Variants in DCAF15 observed in about 807,000 individuals in gnomAD.
DCAF15 encodes DDB1- and CUL4-associated factor 15.
A neutral mutation model predicts 68.0 loss-of-function variants in DCAF15; 24 were observed. That is an observed-to-expected ratio of 0.35 (90% confidence interval 0.26 to 0.50). The LOEUF (loss-of-function observed/expected upper bound fraction) is 0.50, where lower values mean the gene tolerates loss of function less well. Ranked by LOEUF, DCAF15 falls within the 20% of genes least tolerant of loss-of-function variation. DCAF15 has a pLI of 0.98. For synonymous variants in DCAF15, 376 were observed against 341.6 expected, an observed-to-expected ratio of 1.10 and a Z score of -1.11; for missense variants, 627 against 830.6, an observed-to-expected ratio of 0.75 and a Z score of 3.01.
rs753623070 is a variant in DCAF15, at chr19:13,959,114, A to C, written c.854A>C (p.Glu285Ala). Residue 285 changes from glutamate to alanine, a missense_variant, in exon 7 of 13, where the codon GAG becomes GCG. Physicochemically the swap from Glu to Ala is moderately radical, Grantham distance 107. Coordinates refer to ENST00000254337, the MANE Select transcript of DCAF15 (RefSeq NM_138353.4). ...CCCCTGGCGCCTGCCAGCCCCCCTG[A>C]GCCCCAGAGCCCAGAGCTGCCCCCT... ...TCPLAPASPP[E>A]PQSPELPPAL... is the part of the protein sequence containing the mutation. 6.2e-7 allele frequency: 1 copy of C among 1,611,932 alleles called. No homozygotes were observed. The highest frequency in any genetic ancestry group is 2.2e-5 in the East Asian group (1 of 44,806).
Position 13,954,415 on chromosome 19 carries a change from G to A in DCAF15, c.208G>A (p.Asp70Asn). ...GTGCGTGTCCCTCAAGAACATTGTG[G>A]ATGAGGACTTCCTCTATGCAGGGTG... ...RVCVSLKNIV[D>N]EDFLYAGHIF... is the part of the protein sequence containing the mutation. The change falls in exon 2 of 13, where the codon GAT becomes AAT. Residue 70 changes from aspartate to asparagine, a missense_variant. By Grantham distance (23) the Asp-to-Asn change is conservative. Around this residue, in one of 3 missense-constraint regions of DCAF15, gnomAD observed 273 missense variants for 393.7 expected, o/e 0.69. Transcript: ENST00000254337. 1 of 1,598,666 alleles carries A rather than the reference G, an allele frequency of 6.3e-7. No homozygotes were observed. The highest frequency in any genetic ancestry group is 2.3e-5 in the East Asian group (1 of 43,806).
rs766813236 is a variant in DCAF15, at chr19:13,956,398, C to G, written c.660C>G (p.Thr220=). 1.2e-6 allele frequency: 2 copies of G among 1,613,772 alleles called. No homozygotes were observed. The highest frequency in any genetic ancestry group is 4.5e-5 in the East Asian group (2 of 44,888). Residue 220 remains threonine, a synonymous_variant, in exon 6 of 13, where the codon ACC becomes ACG. Transcript: ENST00000254337. The part of the protein sequence containing the change: ...QCLRHGFMLH[T]KYQVVYPFPT... ...TACGGCATGGCTTCATGCTGCACAC[C>G]AAGTACCAGGTGGTCTACCCCTTCC...
chr19:13,960,832 G>A (rs1417672910), intron 12 of DCAF15, 108 bp from the exon 13 acceptor site: 19 of 1,423,590 alleles, frequency 1.3e-5, no homozygotes, highest in Non-Finnish European at 1.8e-5. Context: ...ACTCAGCAGG[G>A]TCCCTGCCTT....
chr19:13,956,028 G>A lies in DCAF15; in HGVS notation c.473+10G>A, dbSNP rs372125381. ...TCGTCTTCGGCTTCAAGTGAGACCAGGCGCCTGGGGGAGCCTTGGCTGGTT... is the reference window on the plus strand; with the variant it reads ...TCGTCTTCGGCTTCAAGTGAGACCAAGCGCCTGGGGGAGCCTTGGCTGGTT... On this transcript the variant is annotated intron_variant, in intron 4 of 12. Coordinates refer to ENST00000254337, the MANE Select transcript of DCAF15 (RefSeq NM_138353.4). 23 of 1,613,320 alleles carry A rather than the reference G, an allele frequency of 1.4e-5. No individual in the cohort carries two copies. The highest frequency in any genetic ancestry group is 1.1e-4 in the East Asian group (5 of 44,866).
Position 13,961,267 on chromosome 19 carries a change from G to T in DCAF15, c.*272G>T. ...CCGCCTTCACCCCGAGCTGGGCATG[G>T]GCCTGGCCCCTCGTGCATTTGCCCT... On this transcript the variant is annotated 3_prime_UTR_variant, in exon 13 of 13. Transcript: ENST00000254337. 3.6e-6 allele frequency: 2 copies of T among 549,668 alleles called. No individual in the cohort carries two copies. The highest frequency in any genetic ancestry group is 4.9e-4 in the Middle Eastern group (1 of 2,028). 34.0% of individuals were successfully genotyped at this position (549,668 alleles called of 1,614,324 possible).
In DCAF15 at chr19:13,958,320, C is replaced by T. The variant is rs529933771; in HGVS notation, c.785-725C>T. 2.8e-3 allele frequency among the ~76,000 whole-genome samples: 426 copies of T among 152,142 alleles called. 2 individuals are homozygous for T. The highest frequency in any genetic ancestry group is 6.8e-3 in the Middle Eastern group (2 of 292). On this transcript the variant is annotated intron_variant, in intron 6 of 12. Transcript: ENST00000254337. ...TTGGCCATTGTCACCTTCTGTTCCC[C>T]GCCCTGTTGTGGGAGGGCTGTCACG...
At position 13,959,894 on chromosome 19, in the gene DCAF15, A is replaced by AGGTGGGCCCAGGGCGGACAG; in HGVS notation, c.1440+15_1440+16insACAGGGTGGGCCCAGGGCGG. ...AGCGACTATGACATCGTCATTCTGG[A>AGGTGGGCCCAGGGCGGACAG]GGTGGGCCCAGGGCGGGCAGGGTGG... is the stretch of plus-strand genomic sequence containing the variant. On this transcript the variant is annotated frameshift_variant and splice_region_variant, in exon 9 of 13. Coordinates refer to ENST00000254337, the MANE Select transcript of DCAF15 (RefSeq NM_138353.4). LOFTEE classifies it high-confidence loss of function. The AGGTGGGCCCAGGGCGGACAG allele has an allele frequency of 2.7e-6, 4 of 1,499,466 alleles. No individual in the cohort carries two copies. Among genetic ancestry groups the AGGTGGGCCCAGGGCGGACAG allele is most frequent in the Non-Finnish European group, 2.7e-6 (3 of 1,097,620 alleles). The allele number at this position is 1,499,466 out of a possible 1,614,324, so 92.9% of individuals were successfully genotyped here. A position where few individuals can be genotyped will look rare whatever the true frequency, so the allele number is the denominator to read the frequency against.
chr19:13,958,714 G>T (rs1973464475), intron 6 of DCAF15, among the ~76,000 whole-genome samples: 1 of 152,114 alleles, frequency 6.6e-6, no homozygotes, highest in Admixed American at 6.5e-5. Context: ...GATGTTAGGA[G>T]GCTGGATGCT....
chr19:13,956,623 C>T, intron 6 of DCAF15, 101 bp downstream of exon 6: 1 of 1,335,864 alleles, frequency 7.5e-7, no homozygotes, highest in Non-Finnish European at 1.0e-6. Flanking sequence ...GAGGTGGGAG[C>T]TACTTCCCCA....
At chr19:13,958,457 G>A (rs1256191711) in intron 6 of DCAF15, among the ~76,000 whole-genome samples, 4 of 152,124 alleles carry the variant, frequency 2.6e-5, no homozygotes, top group African/African-American at 9.7e-5. Context: ...CTTGTAGGGG[G>A]CTTGGAGGAA....
At position 13,959,839 on chromosome 19, in the gene DCAF15, G is replaced by C; in HGVS notation, c.1384G>C (p.Ala462Pro). ...TATCAATGAGGTCATCCGCCACGACGCTACCTGGGGCCATCAGTTCTGTTC... is the reference window on the plus strand; with the variant it reads ...TATCAATGAGGTCATCCGCCACGACCCTACCTGGGGCCATCAGTTCTGTTC... ...YVINEVIRHD[A>P]TWGHQFCSFS... Residue 462 changes from alanine (A) to proline (P), a missense_variant, in exon 9 of 13, where the codon GCT becomes CCT. Around this residue, in one of 3 missense-constraint regions of DCAF15, gnomAD observed 118 missense variants for 211.8 expected, o/e 0.56. Transcript: ENST00000254337. 6.2e-7 allele frequency: 1 copy of C among 1,601,358 alleles called. No individual in the cohort carries two copies. The highest frequency in any genetic ancestry group is 8.5e-7 in the Non-Finnish European group (1 of 1,175,706).
Position 13,959,259 on chromosome 19 carries a change from G to A in DCAF15, c.999G>A (p.Glu333=). The A allele has an allele frequency of 6.2e-7, 1 of 1,612,168 alleles. No individual in the cohort carries two copies. The highest frequency in any genetic ancestry group is 1.1e-5 in the South Asian group (1 of 91,084). ...FVADIFRRAK[E]AKGGVPEEAR... Reference sequence around the variant, plus strand: ...CTGACATCTTCCGCCGGGCCAAAGAGGCCAAGGGCGGGGTCCCTGAGGAAG... The same window carrying A: ...CTGACATCTTCCGCCGGGCCAAAGAAGCCAAGGGCGGGGTCCCTGAGGAAG... Residue 333 remains glutamate (E), a synonymous_variant, in exon 7 of 13, where the codon GAG becomes GAA. Transcript: ENST00000254337.
intron 9 of DCAF15, 21 bp from the exon 10 acceptor site, chr19:13,959,963 A>G (rs1973541823): frequency 6.3e-7 from 1 of 1,587,514 alleles, no homozygotes; most frequent in South Asian, 1.1e-5. Flanking sequence ...AACAGTTGGC[A>G]TCATCCACCC....
rs750986964 is a variant in DCAF15 at position 13,956,336 on chromosome 19, G to A, written c.614-16G>A. 1.9e-6 allele frequency: 3 copies of A among 1,613,304 alleles called. No homozygotes were observed. Among genetic ancestry groups the A allele is most frequent in the African/African-American group, 2.7e-5 (2 of 74,948 alleles). On this transcript the variant is annotated splice_polypyrimidine_tract_variant and intron_variant, in intron 5 of 12. Coordinates refer to ENST00000254337, the MANE Select transcript of DCAF15 (RefSeq NM_138353.4). ...TCCGGGCCGAGAGTGAGCTGCTGTG[G>A]CGTGTGTTGCTACAGGAGACCCGAA...
chr19:13,954,416 A>C lies in DCAF15; in HGVS notation c.209A>C (p.Asp70Ala). 6.3e-7 allele frequency: 1 copy of C among 1,580,808 alleles called. No homozygotes were observed. The highest frequency in any genetic ancestry group is 8.6e-7 in the Non-Finnish European group (1 of 1,160,286). The change falls in exon 2 of 13, where the codon GAT (aspartate) becomes GCT (alanine). Residue 70 changes from aspartate to alanine, a missense_variant. This residue lies in a region of DCAF15 where 273 missense variants were observed against 393.7 expected (regional missense o/e 0.69). Coordinates refer to ENST00000254337, the MANE Select transcript of DCAF15 (RefSeq NM_138353.4). ...TGCGTGTCCCTCAAGAACATTGTGGATGAGGACTTCCTCTATGCAGGGTGA... is the reference window on the plus strand; with the variant it reads ...TGCGTGTCCCTCAAGAACATTGTGGCTGAGGACTTCCTCTATGCAGGGTGA... ...RVCVSLKNIVDEDFLYAGHIF... is the reference protein window; with the variant it reads ...RVCVSLKNIVAEDFLYAGHIF...
At chr19:13,956,643 G>T (rs1051297211) in intron 6 of DCAF15, 121 bp downstream of exon 6, 3 of 1,170,442 alleles carry the variant, frequency 2.6e-6, no homozygotes, top group Non-Finnish European at 3.6e-6. Context: ...AAGTCACACA[G>T]CCTGGTTGTG....
At chr19:13,958,226 T>C (rs1416595487) in intron 6 of DCAF15, among the ~76,000 whole-genome samples, 2 of 152,130 alleles carry the variant, frequency 1.3e-5, no homozygotes, top group Non-Finnish European at 1.5e-5. Context: ...GACTATCAGC[T>C]CTGTACCAGC....
In DCAF15 at chr19:13,954,450, C is replaced by G; in HGVS notation, c.230+13C>G. 2 of 1,613,966 alleles carry G rather than the reference C, an allele frequency of 1.2e-6. No individual in the cohort carries two copies. Among genetic ancestry groups the G allele is most frequent in the Non-Finnish European group, 8.5e-7 (1 of 1,180,000 alleles). ...TCCTCTATGCAGGGTGAGGCTGGGCCCAGGCAAAGGGGGCAGGTGGGCGGG... is the reference window on the plus strand; with the variant it reads ...TCCTCTATGCAGGGTGAGGCTGGGCGCAGGCAAAGGGGGCAGGTGGGCGGG... On this transcript the variant is annotated intron_variant, in intron 2 of 12. Transcript: ENST00000254337.
In DCAF15 at chr19:13,956,032, C is replaced by T; in HGVS notation, c.473+14C>T. 6.2e-7 allele frequency: 1 copy of T among 1,613,342 alleles called. No homozygotes were observed. The highest frequency in any genetic ancestry group is 1.1e-5 in the South Asian group (1 of 91,074). ...CTTCGGCTTCAAGTGAGACCAGGCG[C>T]CTGGGGGAGCCTTGGCTGGTTGGGG... On this transcript the variant is annotated intron_variant, in intron 4 of 12. Coordinates refer to ENST00000254337, the MANE Select transcript of DCAF15 (RefSeq NM_138353.4).
Sources: allele counts gnomAD v4.1 joint callset (sites outside exome capture counted in the v4.1 genomes callset), GRCh38; gene constraint gnomAD v4.1.1; regional missense constraint gnomAD v4.1.1; transcripts MANE v1.5; gene names NCBI Gene and HGNC (gene_info 2026-07-23, HGNC 2026-07-21).